The following DAB2IP variants were observed in gnomAD, a reference collection of about 807,000 sequenced individuals.
DAB2IP encodes the protein DAB2 interacting protein, also known as disabled homolog 2-interacting protein.
A neutral mutation model predicts 107.2 loss-of-function variants in DAB2IP; 28 were observed. The ratio of observed to expected loss-of-function variants is 0.26; its 90% CI spans 0.19 to 0.36. The LOEUF (loss-of-function observed/expected upper bound fraction) is 0.36, where lower values mean the gene tolerates loss of function less well. Among genes scored for constraint, DAB2IP ranks in the 10% least tolerant of loss-of-function variants. The probability of loss-of-function intolerance (pLI) is 1.00; values close to 1 mark genes in which losing one functional copy is unlikely to be tolerated. For missense variants in DAB2IP, 1,400 were observed against 1,644.7 expected (o/e 0.85, Z 2.57); for synonymous variants, 755 against 706.4 (o/e 1.07, Z -1.09).
intron 1 of DAB2IP, among the ~76,000 whole-genome samples, chr9:121,581,525 T>A (rs992677797): frequency 7.2e-5 from 11 of 152,166 alleles, no homozygotes; most frequent in Admixed American, 3.3e-4. Context: ...CTGGAAAACG[T>A]AGCCCCATTT....
chr9:121,636,274 T>C (rs1344364833), intron 1 of DAB2IP, among the ~76,000 whole-genome samples: 2 of 152,162 alleles, frequency 1.3e-5, no homozygotes, highest in East Asian at 1.9e-4. Flanking sequence ...CCTGGCCCTG[T>C]CACTCTCCAT....
intron 2 of DAB2IP, among the ~76,000 whole-genome samples, chr9:121,694,266 C>T (rs537361996): frequency 6.6e-6 from 1 of 152,282 alleles, no homozygotes; most frequent in East Asian, 1.9e-4. Flanking sequence ...AGTCCCAGCT[C>T]TGCCACTTTC....
In DAB2IP at chr9:121,585,849, A is replaced by T. The variant is rs956733963; in HGVS notation, c.40+18621A>T. 3.4e-3 allele frequency among the ~76,000 whole-genome samples: 511 copies of T among 151,378 alleles called. 1 individual carries two copies. The highest frequency in any genetic ancestry group is 0.012 in the African/African-American group (491 of 41,190). On this transcript the variant is annotated intron_variant, in intron 1 of 16. Coordinates refer to the DAB2IP transcript ENST00000259371. ...AGCCTGGGTGAGGGTTAGGGATTTA[A>T]AAAAAAAAATAGAATGGGTTAATGA...
At chr9:121,583,746 G>A (rs1021643550) in intron 1 of DAB2IP, among the ~76,000 whole-genome samples, 10 of 152,292 alleles carry the variant, frequency 6.6e-5, no homozygotes, top group Admixed American at 5.2e-4. Context: ...GTCTCTAAGA[G>A]CCCCAAGAGC....
At chr9:121,763,822 A>G (rs1317712697) in exon 8 of DAB2IP, 2 of 1,614,156 alleles carry the variant, frequency 1.2e-6, no homozygotes, top group Non-Finnish European at 1.7e-6. Context: ...CCAGAGCACC[A>G]GGGCAACCTC....
chr9:121,581,473 A>C lies in DAB2IP; in HGVS notation c.40+14245A>C, dbSNP rs141235938. On this transcript the variant is annotated intron_variant, in intron 1 of 16. Coordinates refer to the DAB2IP transcript ENST00000259371. ...TTAGGGAACAAGAGAAAGAGAAGGG[A>C]AGGTGCATGAGCATTTTGTGCCAGA... is the stretch of plus-strand genomic sequence containing the variant. 7.5e-3 allele frequency among the ~76,000 whole-genome samples: 1,143 copies of C among 152,338 alleles called. 14 individuals are homozygous for C. Among genetic ancestry groups the C allele is most frequent in the African/African-American group, 0.026 (1,099 of 41,568 alleles).
intron 3 of DAB2IP, among the ~76,000 whole-genome samples, chr9:121,742,627 C>T (rs1832435964): frequency 1.3e-5 from 2 of 152,206 alleles, no homozygotes; most frequent in African/African-American, 4.8e-5. Flanking sequence ...AGGAGAAGCT[C>T]CACTCTTGTG....
intron 3 of DAB2IP, chr9:121,751,112 C>A: frequency 4.7e-6 from 1 of 212,736 alleles, no homozygotes; most frequent in Non-Finnish European, 9.3e-6. Context: ...GACCTTTCCC[C>A]CTGCCCGGCT....
At chr9:121,593,580 T>A (rs1267354801) in intron 1 of DAB2IP, among the ~76,000 whole-genome samples, 1 of 151,944 alleles carries the variant, frequency 6.6e-6, no homozygotes, top group Non-Finnish European at 1.5e-5. Flanking sequence ...CCCCCTGGAA[T>A]TTTTGATCAG....
chr9:121,651,935 C>A lies in DAB2IP; in HGVS notation c.124+36C>A. Reference sequence around the variant, plus strand: ...CCCCGACCCCTGACCCCTAGACCCTCCTAAGGCCACTAAGCCACCTGATGC... The same window carrying A: ...CCCCGACCCCTGACCCCTAGACCCTACTAAGGCCACTAAGCCACCTGATGC... On this transcript the variant is annotated intron_variant, in intron 1 of 15. Coordinates refer to ENST00000408936, the Ensembl canonical transcript of DAB2IP. The surrounding 1 kb of genome is among the most constrained non-coding windows in gnomAD (Gnocchi z 5.1). 7.8e-7 allele frequency: 1 copy of A among 1,288,230 alleles called. No individual in the cohort carries two copies. Among genetic ancestry groups the A allele is most frequent in the South Asian group, 2.4e-5 (1 of 42,508 alleles). 79.8% of individuals were successfully genotyped at this position (1,288,230 alleles called of 1,614,324 possible).
In DAB2IP at chr9:121,618,468, C is replaced by A. The variant is rs557249017; in HGVS notation, c.40+51240C>A. On this transcript the variant is annotated intron_variant, in intron 1 of 16. Transcript: ENST00000259371. ...CTCAGCCTCCCAGGTTTAAGCGGTT[C>A]TCCTGCCTCAGCCTCCTGAGTAGCT... Among the ~76,000 whole-genome samples the A allele has an allele frequency of 1.7e-4, 26 of 152,142 alleles. No individual in the cohort carries two copies. In the South Asian group the frequency reaches 5.4e-3, roughly 32 times the overall value.
rs555019046 is a variant in DAB2IP, at chr9:121,772,878, G to A, written c.2350G>A (p.Gly784Arg). The change falls in exon 12 of 16, where the codon GGG becomes AGG. Residue 784 changes from glycine to arginine, a missense_variant. Transcript: ENST00000408936. The surrounding 1 kb of genome is among the most constrained non-coding windows in gnomAD (Gnocchi z 4.7). Reference sequence around the variant, plus strand: ...GGCCGCTGCAGCTCAGCTGGTGGCCGGGTGGCCGGCCCGGGCAACCCCAGT... The same window carrying A: ...GGCCGCTGCAGCTCAGCTGGTGGCCAGGTGGCCGGCCCGGGCAACCCCAGT... 33 of 1,582,870 alleles carry A rather than the reference G, an allele frequency of 2.1e-5. No homozygotes were observed. Among genetic ancestry groups the A allele is most frequent in the African/African-American group, 2.7e-5 (2 of 74,464 alleles).
intron 1 of DAB2IP, among the ~76,000 whole-genome samples, chr9:121,656,807 C>T (rs1466151927): frequency 1.3e-5 from 2 of 152,130 alleles, no homozygotes; most frequent in African/African-American, 4.8e-5. Context: ...AGACTGTAGC[C>T]CAGAGAATGA....
At chr9:121,688,512 C>T (rs540418075) in intron 2 of DAB2IP, among the ~76,000 whole-genome samples, 6 of 152,240 alleles carry the variant, frequency 3.9e-5, no homozygotes, top group Admixed American at 6.5e-5. Flanking sequence ...TTTGTGTGGG[C>T]GGATCCTTCT....
chr9:121,741,011 T>G (rs1012159183), intron 3 of DAB2IP, among the ~76,000 whole-genome samples: 1 of 151,892 alleles, frequency 6.6e-6, no homozygotes, highest in African/African-American at 2.4e-5. Context: ...GTAGTAAGGG[T>G]GGAGGTTAAG....
At chr9:121,624,767 G>A (rs114267748) in intron 1 of DAB2IP, among the ~76,000 whole-genome samples, 3,393 of 152,294 alleles carry the variant, frequency 0.022, 122 homozygotes, top group African/African-American at 0.076. Flanking sequence ...GCCTAATGAT[G>A]CATTTCTCAG....
chr9:121,783,580 A>G (rs755586268), exon 16 of DAB2IP: 2 of 1,613,398 alleles, frequency 1.2e-6, no homozygotes, highest in Admixed American at 1.7e-5. Context: ...GCTGGAACAC[A>G]GGGGCCTTTT....
At chr9:121,605,303 G>A (rs942619861) in intron 1 of DAB2IP, among the ~76,000 whole-genome samples, 1 of 152,140 alleles carries the variant, frequency 6.6e-6, no homozygotes. Flanking sequence ...ACAGGCATGA[G>A]CCACCATGCC....
chr9:121,743,208 A>G (rs554858563), intron 3 of DAB2IP, among the ~76,000 whole-genome samples: 1 of 152,328 alleles, frequency 6.6e-6, no homozygotes, highest in Non-Finnish European at 1.5e-5. Context: ...TGAGGAACAA[A>G]TGAGACTGGG....
Sources: gnomAD v4.1 joint callset for allele counts (sites outside exome capture counted in the v4.1 genomes callset) on GRCh38, gnomAD v4.1.1 for gene constraint, Gnocchi (gnomAD v3.1) non-coding constraint, MANE v1.5 for transcripts, NCBI Gene and HGNC (gene_info 2026-07-23, HGNC 2026-07-21) for gene names.